The following MINK1 variants were observed in gnomAD, a reference collection of about 807,000 sequenced individuals.
The protein encoded by MINK1 is misshapen-like kinase 1.
Under a neutral mutation model 178.4 loss-of-function variants are expected in MINK1, and 46 were observed. That is an observed-to-expected ratio of 0.26 (90% CI 0.20 to 0.33). The LOEUF (loss-of-function observed/expected upper bound fraction) is 0.33. Ranked by LOEUF, MINK1 falls within the 10% of genes least tolerant of loss-of-function variation. The pLI is 1.00. For synonymous variants in MINK1, 797 were observed against 709.7 expected (o/e 1.12, Z -1.96); for missense variants, 1,366 against 1,814.9 (o/e 0.75, Z 4.49).
At chr17:4,867,707 G>A (rs1035157987) in intron 1 of MINK1, among the ~76,000 whole-genome samples, 7 of 151,548 alleles carry the variant, frequency 4.6e-5, no homozygotes, top group Non-Finnish European at 1.0e-4. Context: ...AGCTACTGGT[G>A]AGGCTGAGGC....
intron 1 of MINK1, among the ~76,000 whole-genome samples, chr17:4,878,051 C>T (rs1463723057): frequency 6.6e-6 from 1 of 152,100 alleles, no homozygotes; most frequent in Non-Finnish European, 1.5e-5. Context: ...ACCTCGTGAT[C>T]CACCTGCCTC....
At chr17:4,837,414 T>C (rs1453284428) in intron 1 of MINK1, among the ~76,000 whole-genome samples, 1 of 152,224 alleles carries the variant, frequency 6.6e-6, no homozygotes, top group African/African-American at 2.4e-5. Context: ...ATTTTGCCCC[T>C]CTTTTATTTA....
Position 4,891,350 on chromosome 17 carries a change from A to C in MINK1, c.1741-106A>C, listed in dbSNP as rs376108130. 22 of 1,414,048 alleles carry C rather than the reference A, an allele frequency of 1.6e-5. No homozygotes were observed. In the African/African-American group the frequency reaches 2.3e-4, roughly 15 times the overall value. 87.6% of individuals were successfully genotyped at this position (1,414,048 alleles called of 1,614,324 possible). On this transcript the variant is annotated intron_variant, in intron 15 of 31. Coordinates refer to ENST00000355280, the MANE Select transcript of MINK1 (RefSeq NM_153827.5). Reference sequence around the variant, plus strand: ...AGGCTCAAGGAACCCCTTGTCCTTCAATGGAGGAAGGGGCAGCTAAAGTCC... The same window carrying C: ...AGGCTCAAGGAACCCCTTGTCCTTCCATGGAGGAAGGGGCAGCTAAAGTCC...
At chr17:4,884,737 C>CT (rs1463399175) in intron 5 of MINK1, among the ~76,000 whole-genome samples, 175 bp from the exon 6 acceptor site, 1 of 152,210 alleles carries the variant, frequency 6.6e-6, no homozygotes, top group African/African-American at 2.4e-5. Context: ...AGCCACCTCT[C>CT]TGAGGAAGCT....
rs1276630800 is a variant in MINK1, at chr17:4,833,476, T to A, written c.-108T>A. The A allele has an allele frequency of 1.1e-6, 1 of 907,880 alleles. No individual in the cohort carries two copies. The highest frequency in any genetic ancestry group is 3.2e-5 in the East Asian group (1 of 31,106). The allele number at this position is 907,880 out of a possible 1,614,324, so 56.2% of individuals were successfully genotyped here. A position where few individuals can be genotyped will look rare whatever the true frequency, so the allele number is the denominator to read the frequency against. The stretch of plus-strand genomic sequence containing the variant: ...TCCCCGGTCTCCGGGGGAGGCGCGG[T>A]GGAGTCCGCCCCCGGGGTTCTCCGA... On this transcript the variant is annotated 5_prime_UTR_variant, in exon 1 of 32. Coordinates refer to ENST00000355280, the MANE Select transcript of MINK1 (RefSeq NM_153827.5). The surrounding 1 kb of genome is among the most constrained non-coding windows in gnomAD (Gnocchi z 4.8).
chr17:4,885,405 T>C lies in MINK1; in HGVS notation c.509-78T>C, dbSNP rs1007327971. 8.8e-5 allele frequency: 139 copies of C among 1,571,968 alleles called. No homozygotes were observed. The highest frequency in any genetic ancestry group is 5.3e-4 in the Admixed American group (31 of 58,314). ...GACCACAGCTGGCTCAGGCAAGTCCTGTGTGTGCACGCAGGGATGTGAGGC... is the reference window on the plus strand; with the variant it reads ...GACCACAGCTGGCTCAGGCAAGTCCCGTGTGTGCACGCAGGGATGTGAGGC... On this transcript the variant is annotated intron_variant, in intron 6 of 31. Coordinates refer to ENST00000355280, the MANE Select transcript of MINK1 (RefSeq NM_153827.5). The surrounding 1 kb of genome is among the most constrained non-coding windows in gnomAD (Gnocchi z 5.0).
rs114442476 is a variant in MINK1 at position 4,865,674 on chromosome 17, G to T, written c.58-12643G>T. Among the ~76,000 whole-genome samples, 964 of 139,058 alleles carry T rather than the reference G, an allele frequency of 6.9e-3. 11 individuals carry two copies. Among genetic ancestry groups the T allele is most frequent in the African/African-American group, 0.024 (886 of 36,658 alleles). The allele number at this position is 139,058 out of a possible 152,430, so 91.2% of individuals were successfully genotyped here. Reference sequence around the variant, plus strand: ...CAGGCAGGAGGATCGCTTGAGCCCAGAAGTTCGAGACCAGCCTGATCAACA... The same window carrying T: ...CAGGCAGGAGGATCGCTTGAGCCCATAAGTTCGAGACCAGCCTGATCAACA... On this transcript the variant is annotated intron_variant, in intron 1 of 31. Coordinates refer to ENST00000355280, the MANE Select transcript of MINK1 (RefSeq NM_153827.5).
rs1346746851 is a variant in MINK1 at position 4,892,118 on chromosome 17, C to T, written c.2002-31C>T. The T allele has an allele frequency of 2.6e-6, 4 of 1,545,096 alleles. No homozygotes were observed. The South Asian group carries it at 3.5e-5, about 14-fold the overall frequency. On this transcript the variant is annotated intron_variant, in intron 16 of 31. Transcript: ENST00000355280. ...ATCTGAGAAGTGCCTGTCGCAGCGC[C>T]AGCTCGCAGCACGTGGACTTCTCTC...
At chr17:4,860,616 A>C (rs1210013357) in intron 1 of MINK1, 1 of 466,222 alleles carries the variant, frequency 2.1e-6, no homozygotes, top group Non-Finnish European at 4.3e-6. Flanking sequence ...TGAGAGCTGC[A>C]ACGGGCTCAC....
chr17:4,853,380 GT>G, intron 1 of MINK1, among the ~76,000 whole-genome samples: 1 of 97,498 alleles, frequency 1.0e-5, no homozygotes, highest in South Asian at 4.2e-4. Flanking sequence ...AGTGTGGTTG[GT>G]GGGAAGAGTG....
rs1348992971 is a variant in MINK1, at chr17:4,889,714, T to A, written c.1298T>A (p.Met433Lys). ...GAGCAGCAGCGGCGGCTGGAGGACA[T>A]GCAGGCTCTGCGGCGGGAGGAGGAG... Reference protein sequence around the residue: ...EKEQQRRLEDMQALRREEERR... With the variant: ...EKEQQRRLEDKQALRREEERR... Residue 433 changes from methionine to lysine, a missense_variant, in exon 13 of 32, where the codon ATG becomes AAG. Physicochemically the swap from Met to Lys is moderately conservative, Grantham distance 95. Transcript: ENST00000355280. 6.4e-7 allele frequency: 1 copy of A among 1,554,288 alleles called. No homozygotes were observed. Among genetic ancestry groups the A allele is most frequent in the South Asian group, 1.2e-5 (1 of 84,694 alleles).
Position 4,895,436 on chromosome 17 carries a change from C to T in MINK1, c.3172C>T (p.Arg1058Ter). The T allele has an allele frequency of 1.9e-6, 3 of 1,607,564 alleles. No homozygotes were observed. The highest frequency in any genetic ancestry group is 2.6e-6 in the Non-Finnish European group (3 of 1,176,184). The change falls in exon 26 of 32, where the codon CGA (arginine) becomes TGA (stop). Residue 1058 changes from arginine (R) to a stop codon, truncating the protein, a stop_gained. Coordinates refer to ENST00000355280, the MANE Select transcript of MINK1 (RefSeq NM_153827.5). LOFTEE classifies it high-confidence loss of function. This position sits in a 1 kb window ranked among gnomAD's most constrained non-coding sequence, Gnocchi z 4.3. ...CAAGGTGTATGGACTCATTGGGCGG[C>T]GACGCTTCCAGCAGATGGATGTGCT... is the stretch of plus-strand genomic sequence containing the variant. ...QGKVYGLIGRRRFQQMDVLEG... is the reference protein window; with the variant it reads ...QGKVYGLIGR
At position 4,896,000 on chromosome 17, in the gene MINK1, C is replaced by A. The variant is rs1285311065; in HGVS notation, c.3365-3C>A. 5 of 1,591,376 alleles carry A rather than the reference C, an allele frequency of 3.1e-6. No homozygotes were observed. The highest frequency in any genetic ancestry group is 1.3e-5 in the African/African-American group (1 of 74,304). On this transcript the variant is annotated splice_region_variant and splice_polypyrimidine_tract_variant and intron_variant, in intron 27 of 31. Coordinates refer to ENST00000355280, the MANE Select transcript of MINK1 (RefSeq NM_153827.5). The surrounding 1 kb of genome is among the most constrained non-coding windows in gnomAD (Gnocchi z 4.3). ...CAGCATCCCTCTTCTCTCCCGCCCCCAGTGAAATACGAGCGGATTAAGTTC... is the reference window on the plus strand; with the variant it reads ...CAGCATCCCTCTTCTCTCCCGCCCCAAGTGAAATACGAGCGGATTAAGTTC...
In MINK1 at chr17:4,833,686, G is replaced by A; in HGVS notation, c.57+46G>A. 2 of 1,427,032 alleles carry A rather than the reference G, an allele frequency of 1.4e-6. No homozygotes were observed. Among genetic ancestry groups the A allele is most frequent in the Non-Finnish European group, 1.8e-6 (2 of 1,082,702 alleles). 88.4% of individuals were successfully genotyped at this position (1,427,032 alleles called of 1,614,324 possible). On this transcript the variant is annotated intron_variant, in intron 1 of 31. Coordinates refer to ENST00000355280, the MANE Select transcript of MINK1 (RefSeq NM_153827.5). The surrounding 1 kb of genome is among the most constrained non-coding windows in gnomAD (Gnocchi z 4.8). ...CCTCGCCCTGGTTCCTGTCCCCGCC[G>A]CAGGGGAGGGAGCGGGGTGGCTGCA...
In MINK1 at chr17:4,855,914, C is replaced by T. The variant is rs183701544; in HGVS notation, c.57+22274C>T. Among the ~76,000 whole-genome samples the T allele has an allele frequency of 4.2e-3, 632 of 151,030 alleles. 5 individuals carry two copies. The highest frequency in any genetic ancestry group is 0.014 in the African/African-American group (577 of 41,042). ...ACTTGAACCTGGGAGATGGAAGTTG[C>T]AGTGAGCTGAGATCATGCCACTGCA... On this transcript the variant is annotated intron_variant, in intron 1 of 31. Transcript: ENST00000355280.
chr17:4,833,349 T>G lies in MINK1; in HGVS notation c.-235T>G. 8 of 361,542 alleles carry G rather than the reference T, an allele frequency of 2.2e-5. No individual in the cohort carries two copies. Among genetic ancestry groups the G allele is most frequent in the East Asian group, 5.1e-5 (1 of 19,486 alleles). The allele number at this position is 361,542 out of a possible 1,614,324, so 22.4% of individuals were successfully genotyped here. ...GCGCTTCCACCCTCCCAGTGCGCGGTCGCTCCGCGCCTGCGCAGGAGAGGT... is the reference window on the plus strand; with the variant it reads ...GCGCTTCCACCCTCCCAGTGCGCGGGCGCTCCGCGCCTGCGCAGGAGAGGT... On this transcript the variant is annotated 5_prime_UTR_variant, in exon 1 of 32. Transcript: ENST00000355280. This position sits in a 1 kb window ranked among gnomAD's most constrained non-coding sequence, Gnocchi z 4.8.
chr17:4,882,121 G>T (rs1002994932), intron 4 of MINK1, among the ~76,000 whole-genome samples: 6 of 152,264 alleles, frequency 3.9e-5, no homozygotes, highest in Non-Finnish European at 8.8e-5. Context: ...CCTGCCAGGT[G>T]TGTGTGGTGG....
At chr17:4,843,703 C>T (rs1280257898) in intron 1 of MINK1, among the ~76,000 whole-genome samples, 1 of 152,128 alleles carries the variant, frequency 6.6e-6, no homozygotes, top group African/African-American at 2.4e-5. Flanking sequence ...TTGTCCCTCA[C>T]AAGAACCCTT....
chr17:4,880,300 C>CTT (rs1301744231), intron 2 of MINK1, among the ~76,000 whole-genome samples: 8 of 138,574 alleles, frequency 5.8e-5, no homozygotes, highest in Non-Finnish European at 6.3e-5. Context: ...TTTTTCTTTT[C>CTT]TTTTTTTTTT....
Sources: allele counts gnomAD v4.1 joint callset (sites outside exome capture counted in the v4.1 genomes callset), GRCh38; gene constraint gnomAD v4.1.1; non-coding constraint Gnocchi (gnomAD v3.1); transcripts MANE v1.5; gene names NCBI Gene and HGNC (gene_info 2026-07-23, HGNC 2026-07-21).